The following CARMIL1 variants were observed in gnomAD, a reference collection of about 807,000 sequenced individuals.
The protein encoded by CARMIL1 is capping protein regulator and myosin 1 linker 1.
CARMIL1 carries 90 observed loss-of-function variants against 177.1 expected under a neutral mutation model. The observed-to-expected ratio is 0.51, with a 90% CI of 0.43 to 0.61. The LOEUF (loss-of-function observed/expected upper bound fraction) is 0.61. Ranked by LOEUF, CARMIL1 falls within the 20% of genes least tolerant of loss-of-function variation. CARMIL1 has a pLI of 0.00. For missense variants in CARMIL1, 1,380 were observed against 1,667.0 expected (o/e 0.83, Z 3.00); for synonymous variants, 577 against 606.2 (o/e 0.95, Z 0.71).
chr6:25,451,986 G>GGGCCCCCCC, intron 8 of CARMIL1: 1 of 112,672 alleles, frequency 8.9e-6, no homozygotes, highest in Non-Finnish European at 1.7e-5. Context: ...CTAGCATCTT[G>GGGCCCCCCC]CCCCCCCCTC....
At chr6:25,595,413 G>C (rs1283912420) in intron 32 of CARMIL1, among the ~76,000 whole-genome samples, 1 of 152,026 alleles carries the variant, frequency 6.6e-6, no homozygotes, top group African/African-American at 2.4e-5. Context: ...AGGTGGCAGT[G>C]GGTTAAATTT....
Position 25,606,162 on chromosome 6 carries a change from C to G in CARMIL1, c.3736C>G (p.Arg1246Gly). Residue 1246 changes from arginine (R) to glycine (G), a missense_variant, in exon 35 of 37, where the codon CGG becomes GGG. By Grantham distance (125) the Arg-to-Gly change is moderately radical. Coordinates refer to ENST00000329474, the MANE Select transcript of CARMIL1 (RefSeq NM_017640.6). The part of the protein sequence containing the change: ...EPKAEAGSRS[R>G]SSSSTPTSPK... Reference sequence around the variant, plus strand: ...CAAAGCGGAAGCAGGCTCCAGGTCTCGGAGCTCATCCAGCACACCTACGAG... The same window carrying G: ...CAAAGCGGAAGCAGGCTCCAGGTCTGGGAGCTCATCCAGCACACCTACGAG... 6.2e-7 allele frequency: 1 copy of G among 1,613,966 alleles called. No individual in the cohort carries two copies. Among genetic ancestry groups the G allele is most frequent in the South Asian group, 1.1e-5 (1 of 91,060 alleles).
intron 3 of CARMIL1, among the ~76,000 whole-genome samples, chr6:25,425,437 A>G (rs1273375604): frequency 6.6e-6 from 1 of 152,040 alleles, no homozygotes; most frequent in Non-Finnish European, 1.5e-5. Context: ...TATTCTACCA[A>G]CGTATCATGG....
At chr6:25,414,544 G>A (rs1460069776) in intron 2 of CARMIL1, among the ~76,000 whole-genome samples, 1 of 152,114 alleles carries the variant, frequency 6.6e-6, no homozygotes, top group Non-Finnish European at 1.5e-5. Flanking sequence ...GGGCAGTTTT[G>A]GAGCCAAACA....
At position 25,435,514 on chromosome 6, in the gene CARMIL1, C is replaced by G. The variant is rs764749881; in HGVS notation, c.281C>G (p.Ser94Cys). ...GTGGAAACTGAGAAGTGCAGCATTT[C>G]CATGAAGATGGCGTCACCCGAGGAC... ...MIVETEKCSI[S>C]MKMASPEDVS... The change falls in exon 5 of 37, where the codon TCC becomes TGC. Residue 94 changes from serine to cysteine, a missense_variant. By Grantham distance (112) the Ser-to-Cys change is moderately radical. Coordinates refer to ENST00000329474, the MANE Select transcript of CARMIL1 (RefSeq NM_017640.6). The G allele has an allele frequency of 5.7e-5, 89 of 1,552,074 alleles. No individual in the cohort carries two copies. The highest frequency in any genetic ancestry group is 1.7e-4 in the Middle Eastern group (1 of 6,008).
chr6:25,395,629 A>AT (rs1793307290), intron 2 of CARMIL1, among the ~76,000 whole-genome samples: 1 of 152,238 alleles, frequency 6.6e-6, no homozygotes. Flanking sequence ...TTTGTTATAC[A>AT]TAAGTTACAT....
chr6:25,309,320 A>G (rs954823832), intron 2 of CARMIL1, among the ~76,000 whole-genome samples: 2 of 144,548 alleles, frequency 1.4e-5, no homozygotes, highest in African/African-American at 5.2e-5. Context: ...ATGCCACTGC[A>G]CTCCAGCTTG....
chr6:25,279,583 G>C lies in CARMIL1; in HGVS notation c.-213G>C, dbSNP rs1248764315. 5.0e-6 allele frequency: 3 copies of C among 600,970 alleles called. No homozygotes were observed. The highest frequency in any genetic ancestry group is 8.9e-6 in the Non-Finnish European group (3 of 335,592). The allele number at this position is 600,970 out of a possible 1,614,324, so 37.2% of individuals were successfully genotyped here. ...TGCGAGGAGGCGTCATGTAGCAGCAGCAGCAAATCCGCCTCGCATTTGCAA... is the reference window on the plus strand; with the variant it reads ...TGCGAGGAGGCGTCATGTAGCAGCACCAGCAAATCCGCCTCGCATTTGCAA... On this transcript the variant is annotated 5_prime_UTR_variant, in exon 1 of 37. Coordinates refer to ENST00000329474, the MANE Select transcript of CARMIL1 (RefSeq NM_017640.6).
chr6:25,458,604 TCCTCTGTAGAGTATA>T (rs1034568177), intron 8 of CARMIL1, among the ~76,000 whole-genome samples: 3 of 151,416 alleles, frequency 2.0e-5, no homozygotes, highest in African/African-American at 7.3e-5. Context: ...TCCTGGTATA[TCCTCTGTAGAGTATA>T]CCTCTGTAGA....
chr6:25,354,748 C>G (rs1788416021), intron 2 of CARMIL1, among the ~76,000 whole-genome samples: 1 of 152,184 alleles, frequency 6.6e-6, no homozygotes, highest in African/African-American at 2.4e-5. Flanking sequence ...AGGAATTAAG[C>G]CCAGCCTGAC....
chr6:25,389,176 AG>A lies in CARMIL1; in HGVS notation c.139-30937del, dbSNP rs1225853358. On this transcript the variant is annotated intron_variant, in intron 2 of 36. Transcript: ENST00000329474. ...TCTCATCCACAGATGCTCTGCCAGT[AG>A]AAAATGGAATGGTTTTAATTGAGAA... 8 of 152,258 alleles carry A rather than the reference AG, an allele frequency of 5.3e-5. No homozygotes were observed. The East Asian group carries it at 1.5e-3, about 29-fold the overall frequency. 9.4% of individuals were successfully genotyped at this position (152,258 alleles called of 1,614,324 possible).
intron 2 of CARMIL1, among the ~76,000 whole-genome samples, chr6:25,374,198 T>C (rs1413718669): frequency 2.0e-5 from 3 of 152,252 alleles, no homozygotes; most frequent in African/African-American, 7.2e-5. Flanking sequence ...AGCACTGCTC[T>C]TGCTGTATCC....
chr6:25,572,873 A>G (rs1472254844), intron 29 of CARMIL1, among the ~76,000 whole-genome samples: 3 of 152,146 alleles, frequency 2.0e-5, no homozygotes, highest in Non-Finnish European at 1.5e-5. Context: ...AGTCTTTACT[A>G]TTTTATCTTT....
At chr6:25,349,417 C>A (rs973770468) in intron 2 of CARMIL1, among the ~76,000 whole-genome samples, 1 of 152,166 alleles carries the variant, frequency 6.6e-6, no homozygotes, top group Non-Finnish European at 1.5e-5. Context: ...TATTCACGGA[C>A]CTGCTGTATA....
chr6:25,291,318 CT>C lies in CARMIL1; in HGVS notation c.138+6418del, dbSNP rs936074532. On this transcript the variant is annotated intron_variant, in intron 2 of 36. Coordinates refer to ENST00000329474, the MANE Select transcript of CARMIL1 (RefSeq NM_017640.6). ...TAAAGTATAAACTCTATTCCACCTGCTTTTTTTTTAAGAGGACATGAAAAAA... is the reference window on the plus strand; with the variant it reads ...TAAAGTATAAACTCTATTCCACCTGCTTTTTTTTAAGAGGACATGAAAAAA... 3.5e-3 allele frequency among the ~76,000 whole-genome samples: 528 copies of C among 150,816 alleles called. 2 individuals are homozygous for C. The highest frequency in any genetic ancestry group is 0.011 in the African/African-American group (471 of 41,102).
At chr6:25,584,332 T>C (rs1813440784) in intron 31 of CARMIL1, among the ~76,000 whole-genome samples, 1 of 149,912 alleles carries the variant, frequency 6.7e-6, no homozygotes, top group Non-Finnish European at 1.5e-5. Flanking sequence ...TGAGCTACCA[T>C]GCCAGCCTTT....
intron 2 of CARMIL1, among the ~76,000 whole-genome samples, chr6:25,338,567 T>TTA (rs376819546): frequency 0.054 from 7,623 of 141,060 alleles, 255 homozygotes; most frequent in Non-Finnish European, 0.092. Flanking sequence ...TTTTTTTTTT[T>TTA]ATTTCTTGAC....
At chr6:25,540,213 C>T (rs911812963) in intron 26 of CARMIL1, 135 bp downstream of exon 26, 3 of 803,744 alleles carry the variant, frequency 3.7e-6, no homozygotes, top group Non-Finnish European at 5.2e-6. Flanking sequence ...AAATTGAATA[C>T]TGTGTCTTTT....
chr6:25,492,285 A>G (rs1023997623), intron 15 of CARMIL1, among the ~76,000 whole-genome samples: 9 of 152,360 alleles, frequency 5.9e-5, no homozygotes, highest in African/African-American at 2.2e-4. Context: ...TGGTCAGGCA[A>G]TCTGTCTTAA....
Sources: allele counts gnomAD v4.1 joint callset (sites outside exome capture counted in the v4.1 genomes callset), GRCh38; gene constraint gnomAD v4.1.1; transcripts MANE v1.5; gene names NCBI Gene and HGNC (gene_info 2026-07-23, HGNC 2026-07-21).